Variants in PCLO observed in about 807,000 individuals in gnomAD.
PCLO encodes the protein protein piccolo.
PCLO carries 82 observed loss-of-function variants against 427.5 expected under a neutral mutation model. The observed-to-expected ratio is 0.19, with a 90% CI of 0.16 to 0.23. The LOEUF (loss-of-function observed/expected upper bound fraction) is 0.23, where lower values mean the gene tolerates loss of function less well. PCLO is among the 10% of genes least tolerant of loss of function. The pLI is 1.00. For synonymous variants in PCLO, 2,357 were observed against 2,155.4 expected (o/e 1.09, Z -2.59); for missense variants, 6,239 against 6,115.9 (o/e 1.02, Z -0.67).
chr7:82,950,929 A>G lies in PCLO; in HGVS notation c.9659T>C (p.Leu3220Pro). 1 of 1,613,382 alleles carries G rather than the reference A, an allele frequency of 6.2e-7. No individual in the cohort carries two copies. The highest frequency in any genetic ancestry group is 8.5e-7 in the Non-Finnish European group (1 of 1,179,860). Residue 3220 changes from leucine (L) to proline (P), a missense_variant, in exon 6 of 25, where the codon CTC (leucine) becomes CCC (proline). Coordinates refer to ENST00000333891, the MANE Select transcript of PCLO (RefSeq NM_033026.6). ...TTGCTTAATTTTCTCCAGTTCCAGGAGCTCACGCTCCAAGTCTAGCTGCTG... is the reference window on the plus strand; with the variant it reads ...TTGCTTAATTTTCTCCAGTTCCAGGGGCTCACGCTCCAAGTCTAGCTGCTG... ...QQQQLDLERE[L>P]LELEKIKQQR...
chr7:83,160,835 A>C (rs2116708140), intron 1 of PCLO, among the ~76,000 whole-genome samples: 1 of 152,300 alleles, frequency 6.6e-6, no homozygotes, highest in East Asian at 1.9e-4. Flanking sequence ...AGGAAAAAAT[A>C]TAAAAGATCT....
At chr7:82,815,225 T>G (rs547252623) in intron 20 of PCLO, among the ~76,000 whole-genome samples, 1 of 152,018 alleles carries the variant, frequency 6.6e-6, no homozygotes, top group African/African-American at 2.4e-5. Flanking sequence ...ACTATGTTAT[T>G]GTGCACAGAA....
intron 10 of PCLO, among the ~76,000 whole-genome samples, chr7:82,869,515 G>T (rs2115972241): frequency 6.6e-6 from 1 of 152,134 alleles, no homozygotes; most frequent in African/African-American, 2.4e-5. Flanking sequence ...AAACCAAAGG[G>T]TCAAGAATTG....
chr7:82,935,290 A>G (rs1794926816), intron 6 of PCLO, among the ~76,000 whole-genome samples: 1 of 151,144 alleles, frequency 6.6e-6, no homozygotes, highest in African/African-American at 2.4e-5. Context: ...GATAGCCTTC[A>G]ACAACTCAAT....
chr7:82,782,049 C>A (rs1433811917), intron 22 of PCLO, among the ~76,000 whole-genome samples: 1 of 152,184 alleles, frequency 6.6e-6, no homozygotes, highest in African/African-American at 2.4e-5. Flanking sequence ...CAGAGGAGAT[C>A]ACAGGAACCC....
chr7:82,914,586 A>C lies in PCLO; in HGVS notation c.13300+100T>G, dbSNP rs1794397811. 7.5e-6 allele frequency: 9 copies of C among 1,197,478 alleles called. No individual in the cohort carries two copies. The Admixed American group carries it at 1.2e-4, about 16-fold the overall frequency. 74.2% of individuals were successfully genotyped at this position (1,197,478 alleles called of 1,614,324 possible). A position where few individuals can be genotyped will look rare whatever the true frequency, so the allele number is the denominator to read the frequency against. On this transcript the variant is annotated intron_variant, in intron 7 of 24. Transcript: ENST00000333891. ...GAAGTAAACATGCAAAAGACACACC[A>C]AGAAAAGTAGGATACATCTCTGGAG...
At chr7:83,050,227 A>AAAAAAAAAAAAAAAAAAAAC (rs71074611) in intron 3 of PCLO, among the ~76,000 whole-genome samples, 14 of 85,650 alleles carry the variant, frequency 1.6e-4, no homozygotes, top group Non-Finnish European at 2.7e-4. Context: ...AAAAAAAAAA[A>AAAAAAAAAAAAAAAAAAAAC]AAAAAAAAAA....
At chr7:82,938,611 G>C (rs1209245539) in intron 6 of PCLO, among the ~76,000 whole-genome samples, 1 of 151,818 alleles carries the variant, frequency 6.6e-6, no homozygotes, top group African/African-American at 2.4e-5. Flanking sequence ...AAACAATGAA[G>C]AAATTCAAAA....
rs78564501 is a variant in PCLO at position 82,846,910 on chromosome 7, C to T, written c.13763+229G>A. Among the ~76,000 whole-genome samples, 4 of 152,192 alleles carry T rather than the reference C, an allele frequency of 2.6e-5. No individual in the cohort carries two copies. The East Asian group carries it at 7.7e-4, about 29-fold the overall frequency. ...TCCATGAAATCTAAATGGGTTCAGG[C>T]TTTCATTTAAATGAAGCATGTTTCC... On this transcript the variant is annotated intron_variant, in intron 11 of 24. Coordinates refer to ENST00000333891, the MANE Select transcript of PCLO (RefSeq NM_033026.6).
intron 3 of PCLO, among the ~76,000 whole-genome samples, chr7:83,033,310 T>A (rs554954015): frequency 6.6e-6 from 1 of 152,324 alleles, no homozygotes; most frequent in South Asian, 2.1e-4. Flanking sequence ...ATTAGCAGTT[T>A]ACTTTCTTAT....
intron 3 of PCLO, among the ~76,000 whole-genome samples, chr7:83,107,234 T>C (rs1790880317): frequency 6.6e-6 from 1 of 152,150 alleles, no homozygotes; most frequent in Non-Finnish European, 1.5e-5. Context: ...TTATAGTCTA[T>C]TAAACTGAAT....
chr7:83,137,300 T>C (rs1416648312), intron 2 of PCLO, among the ~76,000 whole-genome samples: 1 of 152,238 alleles, frequency 6.6e-6, no homozygotes, highest in South Asian at 2.1e-4. Context: ...AGTAAACTTA[T>C]GTTTGGAGAA....
At chr7:82,798,563 GTCC>G (rs1447104954) in intron 22 of PCLO, among the ~76,000 whole-genome samples, 1 of 152,140 alleles carries the variant, frequency 6.6e-6, no homozygotes, top group African/African-American at 2.4e-5. Flanking sequence ...GCATTGATGT[GTCC>G]TCCTATCTGC....
chr7:83,100,699 A>G (rs1790715934), intron 3 of PCLO, among the ~76,000 whole-genome samples: 1 of 152,224 alleles, frequency 6.6e-6, no homozygotes, highest in East Asian at 1.9e-4. Flanking sequence ...ACAATAACTA[A>G]TGGGTACTAG....
chr7:82,837,519 G>T (rs1288590379), intron 15 of PCLO, among the ~76,000 whole-genome samples: 1 of 151,818 alleles, frequency 6.6e-6, no homozygotes, highest in Non-Finnish European at 1.5e-5. Flanking sequence ...TAATTTGTAG[G>T]GTTCAAATCA....
chr7:83,046,666 C>T (rs910371011), intron 3 of PCLO, among the ~76,000 whole-genome samples: 1 of 151,898 alleles, frequency 6.6e-6, no homozygotes. Flanking sequence ...TATTTTATTC[C>T]TGTTTGTTCT....
At chr7:83,108,231 T>C (rs1190929118) in intron 3 of PCLO, among the ~76,000 whole-genome samples, 1 of 152,042 alleles carries the variant, frequency 6.6e-6, no homozygotes, top group Non-Finnish European at 1.5e-5. Flanking sequence ...ATGAGGCAAG[T>C]AATGTGTTTT....
chr7:83,009,348 A>G (rs930825657), intron 3 of PCLO, among the ~76,000 whole-genome samples: 1 of 151,850 alleles, frequency 6.6e-6, no homozygotes, highest in Non-Finnish European at 1.5e-5. Context: ...TTAACACTAG[A>G]GAAGGATGAC....
Position 82,984,406 on chromosome 7 carries a change from G to A in PCLO, c.3301-17919C>T, listed in dbSNP as rs1370503978. Among the ~76,000 whole-genome samples the A allele has an allele frequency of 2.9e-5, 4 of 137,886 alleles. No individual in the cohort carries two copies. The East Asian group carries it at 8.4e-4, about 29-fold the overall frequency. 90.5% of individuals were successfully genotyped at this position (137,886 alleles called of 152,430 possible). A position where few individuals can be genotyped will look rare whatever the true frequency, so the allele number is the denominator to read the frequency against. ...CACCTTAGTTTATTTCAAATGTGGTGTCTGTGTGTGTGTGTGTGTGTGTGT... is the reference window on the plus strand; with the variant it reads ...CACCTTAGTTTATTTCAAATGTGGTATCTGTGTGTGTGTGTGTGTGTGTGT... On this transcript the variant is annotated intron_variant, in intron 3 of 24. Transcript: ENST00000333891.
Sources: allele counts gnomAD v4.1 joint callset (sites outside exome capture counted in the v4.1 genomes callset), GRCh38; gene constraint gnomAD v4.1.1; transcripts MANE v1.5; gene names NCBI Gene and HGNC (gene_info 2026-07-23, HGNC 2026-07-21).